Variants in ALCAM observed in about 807,000 individuals in gnomAD.
ALCAM encodes CD166 antigen.
Under a neutral mutation model 70.9 loss-of-function variants are expected in ALCAM, and 30 were observed. That is an observed-to-expected ratio of 0.42 (90% CI 0.32 to 0.57). ALCAM has a LOEUF of 0.57. Ranked by LOEUF, ALCAM falls within the 20% of genes least tolerant of loss-of-function variation. The pLI is 0.11. For missense variants in ALCAM, 591 were observed against 695.1 expected (o/e 0.85, Z 1.68); for synonymous variants, 249 against 242.5 (o/e 1.03, Z -0.25).
At chr3:105,544,979 G>T in intron 8 of ALCAM, 2 of 402,898 alleles carry the variant, frequency 5.0e-6, no homozygotes, top group Non-Finnish European at 4.7e-6. Context: ...TATCAATCAC[G>T]TTAACTGCAA....
chr3:105,420,539 C>T (rs908801401), intron 1 of ALCAM, among the ~76,000 whole-genome samples: 32 of 151,786 alleles, frequency 2.1e-4, no homozygotes, highest in South Asian at 2.1e-3. Flanking sequence ...AATTATATTA[C>T]TGAATTTTGG....
chr3:105,488,559 T>C (rs954976237), intron 1 of ALCAM, among the ~76,000 whole-genome samples: 1 of 151,318 alleles, frequency 6.6e-6, no homozygotes, highest in Non-Finnish European at 1.5e-5. Context: ...GCTTTTACAC[T>C]AATGTGTGGG....
intron 1 of ALCAM, among the ~76,000 whole-genome samples, chr3:105,390,809 G>A (rs566710937): frequency 2.2e-4 from 33 of 151,890 alleles, no homozygotes; most frequent in Admixed American, 9.2e-4. Flanking sequence ...AATTTTCTGC[G>A]TATGGCTAGC....
intron 1 of ALCAM, among the ~76,000 whole-genome samples, chr3:105,465,582 C>T (rs570941682): frequency 1.3e-4 from 19 of 151,342 alleles, no homozygotes; most frequent in Admixed American, 6.6e-4. Context: ...TGAAAGTAGC[C>T]CTCTCTAGCT....
chr3:105,523,139 CAAAAAAAAAA>C (rs59478384), intron 2 of ALCAM, among the ~76,000 whole-genome samples: 10 of 87,024 alleles, frequency 1.1e-4, no homozygotes, highest in Admixed American at 4.8e-4. Context: ...GACTCCGTCT[CAAAAAAAAAA>C]AAAAAAAAAA....
At chr3:105,476,566 T>C (rs994784886) in intron 1 of ALCAM, among the ~76,000 whole-genome samples, 3 of 152,036 alleles carry the variant, frequency 2.0e-5, no homozygotes, top group Non-Finnish European at 4.4e-5. Context: ...GTATATTTAT[T>C]CAACTGCCAG....
In ALCAM at chr3:105,367,273, C is replaced by G; in HGVS notation, c.-136C>G. 1.3e-6 allele frequency: 1 copy of G among 799,312 alleles called. No homozygotes were observed. 49.5% of individuals were successfully genotyped at this position (799,312 alleles called of 1,614,324 possible). Reference sequence around the variant, plus strand: ...GAACCGAAGGTGCAGCGCCACAGCCCAGGGGACGGTGTGTCTGGGAGAAGA... The same window carrying G: ...GAACCGAAGGTGCAGCGCCACAGCCGAGGGGACGGTGTGTCTGGGAGAAGA... On this transcript the variant is annotated 5_prime_UTR_variant, in exon 1 of 16. Transcript: ENST00000306107.
At chr3:105,432,145 A>G (rs1198535576) in intron 1 of ALCAM, among the ~76,000 whole-genome samples, 1 of 152,176 alleles carries the variant, frequency 6.6e-6, no homozygotes. Context: ...TGAGGTCTCC[A>G]TGGAAATGCT....
intron 2 of ALCAM, among the ~76,000 whole-genome samples, 200 bp downstream of exon 2, chr3:105,520,367 C>T (rs1055395372): frequency 1.3e-5 from 2 of 151,976 alleles, no homozygotes; most frequent in Non-Finnish European, 2.9e-5. Flanking sequence ...AAAATAAAGC[C>T]AATAAACACA....
intron 11 of ALCAM, among the ~76,000 whole-genome samples, chr3:105,549,021 A>G (rs1337810025): frequency 6.6e-6 from 1 of 151,542 alleles, no homozygotes; most frequent in African/African-American, 2.4e-5. Context: ...AAATGAGAAA[A>G]TATATTTTGT....
intron 1 of ALCAM, among the ~76,000 whole-genome samples, chr3:105,398,554 T>A (rs934763320): frequency 1.3e-5 from 2 of 152,146 alleles, no homozygotes; most frequent in Admixed American, 6.6e-5. Flanking sequence ...TTTTCCATAG[T>A]CTTTTAAATG....
At chr3:105,512,411 A>G (rs1476891398) in intron 1 of ALCAM, among the ~76,000 whole-genome samples, 2 of 151,840 alleles carry the variant, frequency 1.3e-5, no homozygotes, top group Non-Finnish European at 2.9e-5. Context: ...GGTGAATTGT[A>G]TTCATAATTT....
intron 1 of ALCAM, among the ~76,000 whole-genome samples, chr3:105,422,297 A>G (rs1936688562): frequency 6.6e-6 from 1 of 151,442 alleles, no homozygotes; most frequent in African/African-American, 2.4e-5. Flanking sequence ...TGCTGCTATA[A>G]ACATACCTGT....
intron 1 of ALCAM, among the ~76,000 whole-genome samples, chr3:105,496,681 A>G (rs1938747998): frequency 6.6e-6 from 1 of 152,218 alleles, no homozygotes; most frequent in Non-Finnish European, 1.5e-5. Flanking sequence ...GCACATTAAC[A>G]GAACAGAGTG....
At chr3:105,393,864 T>C (rs1935883884) in intron 1 of ALCAM, among the ~76,000 whole-genome samples, 3 of 151,654 alleles carry the variant, frequency 2.0e-5, no homozygotes. Context: ...AAAAGCCCTA[T>C]TATTTATTTC....
At chr3:105,567,968 T>C (rs1292376104) in intron 14 of ALCAM, among the ~76,000 whole-genome samples, 1 of 152,008 alleles carries the variant, frequency 6.6e-6, no homozygotes. Flanking sequence ...ACCTTGCGCT[T>C]GTGATGGTTA....
chr3:105,514,189 T>A (rs1315975702), intron 1 of ALCAM, among the ~76,000 whole-genome samples: 4 of 151,962 alleles, frequency 2.6e-5, no homozygotes, highest in African/African-American at 9.7e-5. Context: ...GGCCTCTGTA[T>A]TTTACTTATA....
intron 2 of ALCAM, among the ~76,000 whole-genome samples, chr3:105,520,565 C>A (rs990916337): frequency 3.9e-5 from 6 of 152,144 alleles, no homozygotes; most frequent in African/African-American, 1.4e-4. Flanking sequence ...GTAGATAGAG[C>A]CTTAGACAGT....
intron 1 of ALCAM, among the ~76,000 whole-genome samples, chr3:105,448,404 T>TAAAA (rs35702821): frequency 6.7e-6 from 1 of 149,168 alleles, no homozygotes; most frequent in Non-Finnish European, 1.5e-5. Flanking sequence ...TAGTCTCCAT[T>TAAAA]AAAAAAAAAA....
Sources: allele counts gnomAD v4.1 joint callset (sites outside exome capture counted in the v4.1 genomes callset), GRCh38; gene constraint gnomAD v4.1.1; transcripts MANE v1.5; gene names NCBI Gene and HGNC (gene_info 2026-07-23, HGNC 2026-07-21).